The following SIPA1L1 variants were observed in gnomAD, a reference collection of about 807,000 sequenced individuals.
SIPA1L1 encodes the protein signal induced proliferation associated 1 like 1.
In SIPA1L1, 26 loss-of-function variants were observed where a neutral mutation model predicts 162.7. The ratio of observed to expected loss-of-function variants is 0.16; its 90% CI spans 0.12 to 0.22. The LOEUF (loss-of-function observed/expected upper bound fraction) is 0.22. Ranked by LOEUF, SIPA1L1 falls within the 10% of genes least tolerant of loss-of-function variation. SIPA1L1 has a pLI of 1.00. For missense variants in SIPA1L1, 1,874 were observed against 2,241.0 expected (o/e 0.84, Z 3.31); for synonymous variants, 829 against 837.4 (o/e 0.99, Z 0.17).
intron 5 of SIPA1L1, among the ~76,000 whole-genome samples, chr14:71,589,871 C>G (rs969964278): frequency 2.0e-5 from 3 of 151,440 alleles, no homozygotes; most frequent in Middle Eastern, 3.2e-3. Context: ...ATTGTGAAAA[C>G]AAATTACATT....
rs55843519 is a variant in SIPA1L1 at position 71,521,405 on chromosome 14, T to G, written c.-361-7907T>G. On this transcript the variant is annotated intron_variant, in intron 3 of 23. Coordinates refer to ENST00000381232, the MANE Select transcript of SIPA1L1 (RefSeq NM_001386936.1). Reference sequence around the variant, plus strand: ...AGGCAGTGGTAATAAACTAGGCCTATTTGTTCAGCTGCTCCATGTCCCTGT... The same window carrying G: ...AGGCAGTGGTAATAAACTAGGCCTAGTTGTTCAGCTGCTCCATGTCCCTGT... Among the ~76,000 whole-genome samples the G allele has an allele frequency of 6.2e-3, 937 of 152,236 alleles. 13 individuals carry two copies. The highest frequency in any genetic ancestry group is 0.022 in the African/African-American group (905 of 41,546).
At chr14:71,458,752 A>G (rs963343444) in intron 2 of SIPA1L1, among the ~76,000 whole-genome samples, 1 of 152,054 alleles carries the variant, frequency 6.6e-6, no homozygotes, top group Admixed American at 6.6e-5. Context: ...TGCAGTAACC[A>G]TTTCACTACC....
At chr14:71,559,190 C>T (rs2056594166) in intron 4 of SIPA1L1, among the ~76,000 whole-genome samples, 1 of 151,984 alleles carries the variant, frequency 6.6e-6, no homozygotes, top group African/African-American at 2.4e-5. Context: ...ACCTCAGCCT[C>T]CCGAGTACCT....
intron 16 of SIPA1L1, among the ~76,000 whole-genome samples, chr14:71,706,287 G>C (rs550409142): frequency 6.6e-6 from 1 of 152,192 alleles, no homozygotes. Flanking sequence ...ACTTGTAAAT[G>C]ATAGATTATC....
chr14:71,725,501 C>G (rs1328712247), intron 19 of SIPA1L1, among the ~76,000 whole-genome samples: 1 of 152,220 alleles, frequency 6.6e-6, no homozygotes, highest in Non-Finnish European at 1.5e-5. Flanking sequence ...AACCCAGTCT[C>G]TCTGCACCAA....
At chr14:71,708,464 A>G (rs1597137514) in intron 16 of SIPA1L1, among the ~76,000 whole-genome samples, 1 of 151,900 alleles carries the variant, frequency 6.6e-6, no homozygotes, top group Non-Finnish European at 1.5e-5. Context: ...AACTGGGACT[A>G]TAGGCAGGCA....
intron 2 of SIPA1L1, among the ~76,000 whole-genome samples, chr14:71,340,769 C>G (rs2035567469): frequency 6.6e-6 from 1 of 152,110 alleles, no homozygotes; most frequent in South Asian, 2.1e-4. Context: ...AACCCCATCT[C>G]TACTAAAAAA....
chr14:71,738,960 G>C, intron 23 of SIPA1L1, 58 bp from the exon 24 acceptor site: 1 of 1,569,642 alleles, frequency 6.4e-7, no homozygotes, highest in South Asian at 1.2e-5. Flanking sequence ...TTACTCAGAA[G>C]AGCTGGGCAA....
chr14:71,581,072 C>T (rs969182721), intron 4 of SIPA1L1, among the ~76,000 whole-genome samples: 2 of 151,618 alleles, frequency 1.3e-5, no homozygotes, highest in African/African-American at 4.8e-5. Context: ...GCCTGTTTGT[C>T]CCCAGTTATG....
chr14:71,408,891 T>C (rs1480932481), intron 2 of SIPA1L1, among the ~76,000 whole-genome samples: 1 of 152,182 alleles, frequency 6.6e-6, no homozygotes, highest in African/African-American at 2.4e-5. Flanking sequence ...CCACAGGCAG[T>C]GGGCTTAACC....
At chr14:71,402,856 G>A (rs1307372007) in intron 2 of SIPA1L1, among the ~76,000 whole-genome samples, 1 of 152,122 alleles carries the variant, frequency 6.6e-6, no homozygotes, top group Non-Finnish European at 1.5e-5. Context: ...CAAGGAGGAA[G>A]TTTCTAGATG....
intron 2 of SIPA1L1, among the ~76,000 whole-genome samples, chr14:71,489,344 AT>A (rs2049040539): frequency 1.3e-5 from 2 of 152,172 alleles, no homozygotes; most frequent in South Asian, 4.1e-4. Flanking sequence ...TGTGTGCTAT[AT>A]GTCTGCTTCT....
At chr14:71,479,571 T>G (rs1478391222) in intron 2 of SIPA1L1, among the ~76,000 whole-genome samples, 1 of 151,908 alleles carries the variant, frequency 6.6e-6, no homozygotes, top group Non-Finnish European at 1.5e-5. Context: ...AATTTATTTT[T>G]TATTTTTTTT....
intron 17 of SIPA1L1, among the ~76,000 whole-genome samples, chr14:71,714,087 A>G (rs917364044): frequency 2.0e-5 from 3 of 151,980 alleles, no homozygotes; most frequent in Non-Finnish European, 4.4e-5. Context: ...TTAATTGGCA[A>G]TTTTTGCTTT....
chr14:71,620,392 C>G (rs1349916270), intron 6 of SIPA1L1, among the ~76,000 whole-genome samples: 1 of 152,136 alleles, frequency 6.6e-6, no homozygotes, highest in Non-Finnish European at 1.5e-5. Context: ...TTTAGTGATA[C>G]TCTCTTATCT....
At chr14:71,655,701 G>A (rs996481248) in intron 8 of SIPA1L1, among the ~76,000 whole-genome samples, 2 of 152,044 alleles carry the variant, frequency 1.3e-5, no homozygotes, top group Admixed American at 6.5e-5. Flanking sequence ...TGGTTTTAAT[G>A]TACATTTCTC....
intron 7 of SIPA1L1, among the ~76,000 whole-genome samples, chr14:71,629,536 G>A (rs149359338): frequency 1.4e-3 from 212 of 152,220 alleles, no homozygotes; most frequent in Non-Finnish European, 2.5e-3. Context: ...TTCAGTGCCC[G>A]GTATTCAGTG....
chr14:71,470,155 A>T (rs1055077352), intron 2 of SIPA1L1, among the ~76,000 whole-genome samples: 1 of 152,250 alleles, frequency 6.6e-6, no homozygotes, highest in Non-Finnish European at 1.5e-5. Flanking sequence ...GCTTTTGGGT[A>T]GGGCCTTATG....
At position 71,546,747 on chromosome 14, in the gene SIPA1L1, G is replaced by T. The variant is rs371613671; in HGVS notation, c.-303+17377G>T. 4.4e-4 allele frequency among the ~76,000 whole-genome samples: 67 copies of T among 152,252 alleles called. 1 individual carries two copies. In the South Asian group the frequency reaches 0.013, roughly 31 times the overall value. The stretch of plus-strand genomic sequence containing the variant: ...CGTGTTAGTATCTGAAGCTATACAA[G>T]TTGATGAAACATGGTCTCTGTCCTT... On this transcript the variant is annotated intron_variant, in intron 4 of 23. Transcript: ENST00000381232.
Sources: gnomAD v4.1 joint callset for allele counts (sites outside exome capture counted in the v4.1 genomes callset) on GRCh38, gnomAD v4.1.1 for gene constraint, MANE v1.5 for transcripts, NCBI Gene and HGNC (gene_info 2026-07-23, HGNC 2026-07-21) for gene names.